Variants in CARMIL1 observed in about 807,000 individuals in gnomAD.
CARMIL1 encodes the protein F-actin-uncapping protein LRRC16A.
In CARMIL1, 90 loss-of-function variants were observed where a neutral mutation model predicts 177.1. The ratio of observed to expected loss-of-function variants is 0.51; its 90% CI spans 0.43 to 0.61. CARMIL1 has a LOEUF of 0.61. Ranked by LOEUF, CARMIL1 falls within the 20% of genes least tolerant of loss-of-function variation. The pLI, the probability that CARMIL1 is intolerant of heterozygous loss-of-function variation, is 0.00. For synonymous variants in CARMIL1, 577 were observed against 606.2 expected (o/e 0.95, Z 0.71); for missense variants, 1,380 against 1,667.0 (o/e 0.83, Z 3.00).
chr6:25,600,813 G>A, intron 33 of CARMIL1, 67 bp downstream of exon 33: 1 of 1,336,502 alleles, frequency 7.5e-7, no homozygotes, highest in Non-Finnish European at 9.9e-7. Flanking sequence ...CATTTTCATG[G>A]TGCATGTGAT....
At chr6:25,542,789 C>T (rs1253086971) in intron 26 of CARMIL1, among the ~76,000 whole-genome samples, 1 of 151,962 alleles carries the variant, frequency 6.6e-6, no homozygotes, top group Admixed American at 6.6e-5. Flanking sequence ...CAACCTTTTA[C>T]TATTAAAAAA....
intron 31 of CARMIL1, among the ~76,000 whole-genome samples, chr6:25,588,158 A>G (rs1813939322): frequency 6.6e-6 from 1 of 152,250 alleles, no homozygotes; most frequent in Non-Finnish European, 1.5e-5. Context: ...GCCATTTTAT[A>G]GCAGCGACTT....
chr6:25,279,909 G>A, intron 1 of CARMIL1, 74 bp downstream of exon 1: 2 of 1,540,972 alleles, frequency 1.3e-6, no homozygotes, highest in Non-Finnish European at 1.8e-6. Flanking sequence ...TCCCACCTCT[G>A]CTTTCCCGCA....
intron 2 of CARMIL1, among the ~76,000 whole-genome samples, chr6:25,340,112 C>G (rs12663981): frequency 6.6e-6 from 1 of 152,104 alleles, no homozygotes; most frequent in South Asian, 2.1e-4. Flanking sequence ...TTTCTTTAAG[C>G]CTTACCCTAG....
chr6:25,550,976 A>G lies in CARMIL1; in HGVS notation c.2395A>G (p.Ile799Val). 2.0e-5 allele frequency: 33 copies of G among 1,613,580 alleles called. No homozygotes were observed. Among genetic ancestry groups the G allele is most frequent in the Non-Finnish European group, 2.5e-5 (29 of 1,179,612 alleles). Residue 799 changes from isoleucine to valine, a missense_variant, in exon 27 of 37, where the codon ATT (isoleucine) becomes GTT (valine). Physicochemically the swap from Ile to Val is conservative, Grantham distance 29 (BLOSUM62 3). Coordinates refer to ENST00000329474, the MANE Select transcript of CARMIL1 (RefSeq NM_017640.6). ...TCCCAATGTGATGAAAAAAGCCCAC[A>G]TTCGACAAGACTTGATTCATGCCAG... ...LCPNVMKKAH[I>V]RQDLIHASTE...
chr6:25,570,185 C>T (rs1257417034), intron 29 of CARMIL1, among the ~76,000 whole-genome samples: 4 of 152,158 alleles, frequency 2.6e-5, no homozygotes, highest in South Asian at 2.1e-4. Flanking sequence ...AGGATGGTCT[C>T]GATCTCCTGA....
Position 25,565,463 on chromosome 6 carries a change from C to T in CARMIL1, c.2742+8613C>T, listed in dbSNP as rs140757064. 7.3e-3 allele frequency among the ~76,000 whole-genome samples: 1,116 copies of T among 152,298 alleles called. 8 individuals are homozygous for T. Among genetic ancestry groups the T allele is most frequent in the African/African-American group, 0.025 (1,044 of 41,554 alleles). ...CCCAAGTAAAGCCACAGTACAGGTA[C>T]GCTCACCAGACTGCCTTCCCTGAAG... On this transcript the variant is annotated intron_variant, in intron 29 of 36. Coordinates refer to ENST00000329474, the MANE Select transcript of CARMIL1 (RefSeq NM_017640.6).
At chr6:25,468,023 G>C (rs1800770917) in intron 9 of CARMIL1, among the ~76,000 whole-genome samples, 1 of 152,168 alleles carries the variant, frequency 6.6e-6, no homozygotes, top group African/African-American at 2.4e-5. Flanking sequence ...TTGTAAACAT[G>C]AAGTGCAAGG....
At chr6:25,497,666 A>G (rs1582152047) in intron 16 of CARMIL1, among the ~76,000 whole-genome samples, 8 of 152,040 alleles carry the variant, frequency 5.3e-5, no homozygotes, top group Admixed American at 5.2e-4. Context: ...AACTGCAGAA[A>G]CCCTTGTTTC....
At position 25,551,085 on chromosome 6, in the gene CARMIL1, G is replaced by C. The variant is rs929006944; in HGVS notation, c.2504G>C (p.Ser835Thr). Residue 835 changes from serine (S) to threonine (T), a missense_variant and splice_region_variant, in exon 27 of 37, where the codon AGT (serine) becomes ACT (threonine). By Grantham distance (58) the Ser-to-Thr change is moderately conservative. Transcript: ENST00000329474. The part of the protein sequence containing the change: ...QSGIDILNKI[S>T]EVKLTVASFL... Reference sequence around the variant, plus strand: ...GGAATTGATATCCTTAACAAAATTAGGTAGGTTTATAATGTTAATAAACCT... The same window carrying C: ...GGAATTGATATCCTTAACAAAATTACGTAGGTTTATAATGTTAATAAACCT... 6.2e-7 allele frequency: 1 copy of C among 1,611,518 alleles called. No homozygotes were observed. The highest frequency in any genetic ancestry group is 8.5e-7 in the Non-Finnish European group (1 of 1,178,650).
chr6:25,518,860 G>A (rs1806266799), intron 22 of CARMIL1, among the ~76,000 whole-genome samples: 1 of 152,198 alleles, frequency 6.6e-6, no homozygotes, highest in African/African-American at 2.4e-5. Context: ...ATAGAAATTG[G>A]ATGAGGGAAA....
At chr6:25,401,726 G>C (rs901504899) in intron 2 of CARMIL1, among the ~76,000 whole-genome samples, 2 of 152,164 alleles carry the variant, frequency 1.3e-5, no homozygotes, top group African/African-American at 4.8e-5. Flanking sequence ...ATTTGAATCT[G>C]GTAGGGTTTG....
At chr6:25,618,259 A>AGTT (rs1312673649) in intron 36 of CARMIL1, among the ~76,000 whole-genome samples, 3 of 124,496 alleles carry the variant, frequency 2.4e-5, no homozygotes, top group Non-Finnish European at 5.2e-5. Context: ...CAGCAAGATA[A>AGTT]GTTTTTTTTT....
intron 23 of CARMIL1, among the ~76,000 whole-genome samples, chr6:25,526,284 A>T (rs1807123171): frequency 6.6e-6 from 1 of 152,000 alleles, no homozygotes; most frequent in South Asian, 2.1e-4. Context: ...TGGAGCTTGC[A>T]GTGAGCCGAG....
chr6:25,424,771 G>A (rs906906418), intron 3 of CARMIL1, among the ~76,000 whole-genome samples: 1 of 152,100 alleles, frequency 6.6e-6, no homozygotes, highest in African/African-American at 2.4e-5. Flanking sequence ...GTGGTGAGGA[G>A]CATAATAATC....
At chr6:25,290,240 C>T (rs1301485256) in intron 2 of CARMIL1, among the ~76,000 whole-genome samples, 1 of 152,096 alleles carries the variant, frequency 6.6e-6, no homozygotes, top group Non-Finnish European at 1.5e-5. Context: ...GGACTACAGG[C>T]GTGTGCCACC....
Position 25,548,339 on chromosome 6 carries a change from G to A in CARMIL1, c.2329-2571G>A, listed in dbSNP as rs542907540. 3.3e-5 allele frequency among the ~76,000 whole-genome samples: 5 copies of A among 152,274 alleles called. No individual in the cohort carries two copies. The South Asian group carries it at 1.0e-3, about 32-fold the overall frequency. ...GTTTAATACCATTCTTCACAGTAAA[G>A]AACTTAGCAAGAAAGGCTGATTTTG... On this transcript the variant is annotated intron_variant, in intron 26 of 36. Transcript: ENST00000329474.
chr6:25,562,714 C>T (rs182127904), intron 29 of CARMIL1, among the ~76,000 whole-genome samples: 20 of 152,238 alleles, frequency 1.3e-4, no homozygotes, highest in African/African-American at 4.8e-4. Flanking sequence ...CCTCCCAGAG[C>T]CCTAAAGCTC....
At chr6:25,594,819 T>A (rs974063336) in intron 32 of CARMIL1, among the ~76,000 whole-genome samples, 2 of 152,194 alleles carry the variant, frequency 1.3e-5, no homozygotes, top group African/African-American at 4.8e-5. Context: ...TGCTCCAGTT[T>A]GAGACCTATT....
Sources: gnomAD v4.1 joint callset for allele counts (sites outside exome capture counted in the v4.1 genomes callset) on GRCh38, gnomAD v4.1.1 for gene constraint, MANE v1.5 for transcripts, NCBI Gene and HGNC (gene_info 2026-07-23, HGNC 2026-07-21) for gene names.